NCBP2: variants seen among roughly 807,000 people sequenced by gnomAD.
The protein encoded by NCBP2 is nuclear cap-binding protein subunit 2.
Under a neutral mutation model 21.5 loss-of-function variants are expected in NCBP2, and 8 were observed. The ratio of observed to expected loss-of-function variants is 0.37; its 90% CI spans 0.22 to 0.67. The LOEUF (loss-of-function observed/expected upper bound fraction) is 0.67. Ranked by LOEUF, NCBP2 falls within the 30% of genes least tolerant of loss-of-function variation. NCBP2 has a pLI of 0.56. For missense variants in NCBP2, 127 were observed against 206.9 expected (o/e 0.61, Z 2.37); for synonymous variants, 92 against 75.8 (o/e 1.21, Z -1.11).
At chr3:196,939,047 CT>C in intron 2 of NCBP2, 1 of 429,750 alleles carries the variant, frequency 2.3e-6, no homozygotes, top group East Asian at 3.6e-5. Flanking sequence ...TCTTGAAAAA[CT>C]TTTTGTTAAA....
At chr3:196,937,109 A>G (rs1716301421) in intron 3 of NCBP2, 27 bp from the exon 4 acceptor site, 4 of 1,608,510 alleles carry the variant, frequency 2.5e-6, no homozygotes, top group Non-Finnish European at 2.6e-6. Flanking sequence ...CCAGAGTTAC[A>G]GTATGGAAAA....
intron 3 of NCBP2, 192 bp from the exon 4 acceptor site, chr3:196,937,274 T>C (rs1373810981): frequency 5.3e-6 from 4 of 758,188 alleles, no homozygotes; most frequent in African/African-American, 5.2e-5. Context: ...AGGTGGAAGA[T>C]ACCTAGCCCT....
At chr3:196,939,680 C>T (rs1215765531) in intron 1 of NCBP2, among the ~76,000 whole-genome samples, 2 of 152,190 alleles carry the variant, frequency 1.3e-5, no homozygotes, top group Non-Finnish European at 2.9e-5. Flanking sequence ...CTTCTACGCC[C>T]GACTGCCACG....
chr3:196,941,102 A>ATT (rs1410036785), intron 1 of NCBP2: 1 of 141,292 alleles, frequency 7.1e-6, no homozygotes, highest in Non-Finnish European at 1.6e-5. Context: ...TAACTGAATA[A>ATT]ATTTTTTTTT....
chr3:196,937,458 T>C (rs199917086), intron 3 of NCBP2, 52 bp downstream of exon 3: 52 of 1,605,616 alleles, frequency 3.2e-5, no homozygotes, highest in Middle Eastern at 3.5e-4. Context: ...ACACCTGTCA[T>C]TGTGACTGGA....
At position 196,936,064 on chromosome 3, in the gene NCBP2, CTCATG is replaced by C. The variant is rs1251407028; in HGVS notation, c.*942_*946del. ...AATGAAAAGAATAAACTTGCTGGTC[CTCATG>C]TCAAGGCAGTGTTTTCATTGTCTCT... On this transcript the variant is annotated 3_prime_UTR_variant, in exon 4 of 4. Transcript: ENST00000321256. The C allele has an allele frequency of 2.6e-5, 4 of 152,200 alleles. No individual in the cohort carries two copies. The highest frequency in any genetic ancestry group is 9.6e-5 in the African/African-American group (4 of 41,454). The allele number at this position is 152,200 out of a possible 1,614,324, so 9.4% of individuals were successfully genotyped here.
chr3:196,942,368 A>G (rs1716637851), intron 1 of NCBP2, 58 bp downstream of exon 1: 1 of 1,582,012 alleles, frequency 6.3e-7, no homozygotes, highest in African/African-American at 1.3e-5. Flanking sequence ...ACAAGAGCAA[A>G]CCGTTTCTCA....
At chr3:196,941,883 C>G in intron 1 of NCBP2, 2 of 1,535,240 alleles carry the variant, frequency 1.3e-6, no homozygotes, top group South Asian at 2.4e-5. Context: ...CCTCCCCACT[C>G]CGAAGCTTCC....
chr3:196,937,007 C>T lies in NCBP2; in HGVS notation c.*4G>A, dbSNP rs547679541. ...GTGTTTGTCACTGACAGAGCTCTCA[C>T]CACTCACTGGTTCTGTGCCAGTTTT... On this transcript the variant is annotated 3_prime_UTR_variant, in exon 4 of 4. Coordinates refer to ENST00000321256, the MANE Select transcript of NCBP2 (RefSeq NM_007362.5). 5.0e-6 allele frequency: 8 copies of T among 1,613,894 alleles called. No individual in the cohort carries two copies. The highest frequency in any genetic ancestry group is 6.8e-6 in the Non-Finnish European group (8 of 1,179,868).
In NCBP2 at chr3:196,942,178, G is replaced by A. The variant is rs116354128; in HGVS notation, c.78+248C>T. ...CTCAAACCTCTCGGCACTGGCTGGG[G>A]TACAGGGAGCGGCTGCGAGCGAATG... is the stretch of plus-strand genomic sequence containing the variant. On this transcript the variant is annotated intron_variant, in intron 1 of 3. Transcript: ENST00000321256. 3.3e-3 allele frequency: 4,781 copies of A among 1,457,380 alleles called. 122 individuals carry two copies. In the African/African-American group the frequency reaches 0.06, roughly 18 times the overall value. 90.3% of individuals were successfully genotyped at this position (1,457,380 alleles called of 1,614,324 possible).
At chr3:196,941,671 T>TC in intron 1 of NCBP2, 2 of 570,564 alleles carry the variant, frequency 3.5e-6, no homozygotes, top group Non-Finnish European at 3.1e-6. Context: ...GGTTAATGAG[T>TC]CCCGCCCCGC....
In NCBP2 at chr3:196,935,598, T is replaced by G. The variant is rs960213128; in HGVS notation, c.*1413A>C. On this transcript the variant is annotated 3_prime_UTR_variant, in exon 4 of 4. Coordinates refer to ENST00000321256, the MANE Select transcript of NCBP2 (RefSeq NM_007362.5). ...TTTGCAAAGTTTCTTCCTAAGCACT[T>G]ACAACTAGTTACAGCTCTTTTAAAA... 6.6e-6 allele frequency: 1 copy of G among 152,232 alleles called. No homozygotes were observed. Among genetic ancestry groups the G allele is most frequent in the African/African-American group, 2.4e-5 (1 of 41,468 alleles). 9.4% of individuals were successfully genotyped at this position (152,232 alleles called of 1,614,324 possible).
rs1311957954 is a variant in NCBP2, at chr3:196,937,410, C to CAA, written c.399+98_399+99dup. On this transcript the variant is annotated intron_variant, in intron 3 of 3. Transcript: ENST00000321256. ...CCACTTCAAGCCAAGGTTATAGACACAAAGTTATTTACAAAAGAGTAAATA... is the reference window on the plus strand; with the variant it reads ...CCACTTCAAGCCAAGGTTATAGACACAAAAAGTTATTTACAAAAGAGTAAATA... The CAA allele has an allele frequency of 5.2e-6, 8 of 1,539,730 alleles. No homozygotes were observed. In the African/African-American group the frequency reaches 1.1e-4, roughly 21 times the overall value.
Position 196,939,241 on chromosome 3 carries a change from G to A in NCBP2, c.260+10C>T, listed in dbSNP as rs1288218575. On this transcript the variant is annotated intron_variant, in intron 2 of 3. Transcript: ENST00000321256. ...GTTCAGCAGCTACATTAGATCCATG[G>A]GAAGGATACTCCACAAAACAGAATC... The A allele has an allele frequency of 6.2e-7, 1 of 1,609,982 alleles. No individual in the cohort carries two copies.
At chr3:196,937,171 C>A (rs1716304139) in intron 3 of NCBP2, 89 bp from the exon 4 acceptor site, 1 of 1,246,506 alleles carries the variant, frequency 8.0e-7, no homozygotes, top group Admixed American at 1.7e-5. Context: ...AACAGTGAAA[C>A]CTGTTCAGAT....
Position 196,939,260 on chromosome 3 carries a change from CAG to C in NCBP2, c.249_250del (p.Phe83LeufsTer25), listed in dbSNP as rs1263330779. On this transcript the variant is annotated frameshift_variant, in exon 2 of 4. Transcript: ENST00000321256. LOFTEE classifies it high-confidence loss of function. ...TCCATGGGAAGGATACTCCACAAAA[CAG>C]AATCCACATGCTGTTTTCTTCATTT... is the stretch of plus-strand genomic sequence containing the variant. 6.2e-7 allele frequency: 1 copy of C among 1,613,468 alleles called. No individual in the cohort carries two copies. The highest frequency in any genetic ancestry group is 1.7e-5 in the Admixed American group (1 of 60,008).
At chr3:196,938,717 T>C (rs573856486) in intron 2 of NCBP2, 1 of 152,666 alleles carries the variant, frequency 6.6e-6, no homozygotes, top group East Asian at 1.9e-4. Context: ...CTTGAAATCT[T>C]GGGCTCAACT....
chr3:196,939,095 T>C (rs1333817197), intron 2 of NCBP2, 156 bp downstream of exon 2: 9 of 578,128 alleles, frequency 1.6e-5, no homozygotes, highest in African/African-American at 3.8e-5. Flanking sequence ...AGAATATAAA[T>C]AGTATCAGCT....
chr3:196,942,045 A>G, intron 1 of NCBP2: 1 of 1,534,968 alleles, frequency 6.5e-7, no homozygotes, highest in Admixed American at 2.0e-5. Flanking sequence ...CTGCATCAGG[A>G]AGGCGCCTCT....
Sources: allele counts gnomAD v4.1 joint callset (sites outside exome capture counted in the v4.1 genomes callset), GRCh38; gene constraint gnomAD v4.1.1; transcripts MANE v1.5; gene names NCBI Gene and HGNC (gene_info 2026-07-23, HGNC 2026-07-21).